PCDHA7: variants seen among roughly 807,000 people sequenced by gnomAD.
PCDHA7 encodes protocadherin alpha 7, also known as protocadherin alpha-7.
Under a neutral mutation model 57.2 loss-of-function variants are expected in PCDHA7, and 37 were observed. The ratio of observed to expected loss-of-function variants is 0.65; its 90% CI spans 0.50 to 0.85. The LOEUF is 0.85. PCDHA7 is among the 40% of genes least tolerant of loss of function. The pLI is 0.00. For missense variants in PCDHA7, 1,188 were observed against 1,241.8 expected, an observed-to-expected ratio of 0.96 and a Z score of 0.65; for synonymous variants, 553 against 558.8, an observed-to-expected ratio of 0.99 and a Z score of 0.15.
intron 1 of PCDHA7, among the ~76,000 whole-genome samples, chr5:140,919,699 C>T (rs946203919): frequency 3.3e-5 from 5 of 152,084 alleles, no homozygotes; most frequent in African/African-American, 1.2e-4. Context: ...TTTATATTAA[C>T]TTAATTCTAG....
intron 3 of PCDHA7, among the ~76,000 whole-genome samples, chr5:140,988,057 C>G (rs557714672): frequency 2.0e-4 from 30 of 152,188 alleles, no homozygotes; most frequent in Non-Finnish European, 3.7e-4. Context: ...GCACTGTCAA[C>G]ATGAATTTTT....
intron 1 of PCDHA7, chr5:140,927,266 C>T (rs1554204259): frequency 6.2e-7 from 1 of 1,614,146 alleles, no homozygotes. Flanking sequence ...CCTCTCTTTC[C>T]TGCCGGCGAC....
intron 3 of PCDHA7, among the ~76,000 whole-genome samples, chr5:140,995,158 A>G (rs1554254485): frequency 6.6e-6 from 1 of 152,180 alleles, no homozygotes; most frequent in African/African-American, 2.4e-5. Flanking sequence ...TATATACATT[A>G]TGTTCTTTCA....
In PCDHA7 at chr5:140,848,578, G is replaced by A. The variant is rs148489343; in HGVS notation, c.2355+11840G>A. On this transcript the variant is annotated intron_variant, in intron 1 of 3. Transcript: ENST00000525929. ...ATCCTCGCAATGTGGGTGGTGGGGA[G>A]CGGCCAGCTCCACTACTCCGTCCCG... 4 of 1,595,522 alleles carry A rather than the reference G, an allele frequency of 2.5e-6. 1 individual carries two copies. In the African/African-American group the frequency reaches 4.0e-5, roughly 16 times the overall value.
chr5:140,876,062 G>C, intron 1 of PCDHA7: 1 of 1,613,842 alleles, frequency 6.2e-7, no homozygotes, highest in South Asian at 1.1e-5. Flanking sequence ...TTAGTTCTTC[G>C]GAAGTTATTG....
chr5:140,898,548 T>C (rs1445483717), intron 1 of PCDHA7, among the ~76,000 whole-genome samples: 2 of 152,252 alleles, frequency 1.3e-5, no homozygotes, highest in Non-Finnish European at 2.9e-5. Context: ...CATTTATCTA[T>C]GTCTCTGTTT....
At chr5:140,953,950 A>G (rs1458991224) in intron 1 of PCDHA7, among the ~76,000 whole-genome samples, 1 of 151,936 alleles carries the variant, frequency 6.6e-6, no homozygotes, top group Non-Finnish European at 1.5e-5. Flanking sequence ...TTGCTCCCCC[A>G]ACAGGCCCCA....
intron 1 of PCDHA7, among the ~76,000 whole-genome samples, chr5:140,885,964 G>A (rs1326363408): frequency 6.6e-6 from 1 of 151,886 alleles, no homozygotes; most frequent in Non-Finnish European, 1.5e-5. Flanking sequence ...TTTTTATTTT[G>A]AGATAATTAT....
At chr5:140,988,501 A>G (rs966150033) in intron 3 of PCDHA7, among the ~76,000 whole-genome samples, 3 of 152,164 alleles carry the variant, frequency 2.0e-5, no homozygotes, top group Non-Finnish European at 2.9e-5. Context: ...AGGAGAAGCC[A>G]TGAAGCTTAC....
At chr5:140,918,941 T>C (rs1476342004) in intron 1 of PCDHA7, among the ~76,000 whole-genome samples, 1 of 152,228 alleles carries the variant, frequency 6.6e-6, no homozygotes, top group East Asian at 1.9e-4. Context: ...TTTGTTATAA[T>C]ATCCTGAACA....
chr5:140,976,267 T>C (rs115616483), intron 1 of PCDHA7, among the ~76,000 whole-genome samples: 1,952 of 152,234 alleles, frequency 0.013, 51 homozygotes, highest in African/African-American at 0.045. Flanking sequence ...ACACAGACTT[T>C]TGGCAAGGCA....
intron 1 of PCDHA7, among the ~76,000 whole-genome samples, chr5:140,899,419 A>G (rs1583341890): frequency 6.6e-6 from 1 of 152,318 alleles, no homozygotes; most frequent in Non-Finnish European, 1.5e-5. Flanking sequence ...GAATTTTGTC[A>G]AAGGTCTTTT....
At chr5:140,867,383 G>T in intron 1 of PCDHA7, 1 of 152,136 alleles carries the variant, frequency 6.6e-6, no homozygotes, top group East Asian at 1.9e-4. Flanking sequence ...TGGAATTAAC[G>T]GTTATAAAAG....
chr5:140,880,646 C>A (rs782457852), intron 1 of PCDHA7, among the ~76,000 whole-genome samples: 1 of 152,060 alleles, frequency 6.6e-6, no homozygotes, highest in Non-Finnish European at 1.5e-5. Context: ...ACTTGAGAGC[C>A]CAACTGAGGT....
chr5:141,003,589 A>G (rs781995684), intron 3 of PCDHA7, among the ~76,000 whole-genome samples: 9 of 152,170 alleles, frequency 5.9e-5, no homozygotes, highest in Non-Finnish European at 1.3e-4. Context: ...CTGGGATTTT[A>G]GATGTGAGCC....
intron 1 of PCDHA7, chr5:140,851,093 TA>T: frequency 1.5e-6 from 2 of 1,294,092 alleles, no homozygotes; most frequent in Admixed American, 2.9e-5. Flanking sequence ...ATTAAATAGA[TA>T]TTTTTTGGGT....
Position 140,836,021 on chromosome 5 carries a change from C to G in PCDHA7, c.1638C>G (p.Gly546=). Residue 546 remains glycine, a synonymous_variant, in exon 1 of 4, where the codon GGC becomes GGG. Transcript: ENST00000525929. ...SARDAGVPPL[G]SNVTLQVFVL... ...GCGATGCGGGCGTGCCGCCTCTGGG[C>G]AGCAACGTGACGCTGCAGGTGTTCG... The G allele has an allele frequency of 1.9e-6, 3 of 1,613,388 alleles. No individual in the cohort carries two copies. Among genetic ancestry groups the G allele is most frequent in the Non-Finnish European group, 2.5e-6 (3 of 1,179,720 alleles).
At chr5:140,885,110 TA>T (rs1368571784) in intron 1 of PCDHA7, among the ~76,000 whole-genome samples, 4 of 152,224 alleles carry the variant, frequency 2.6e-5, no homozygotes, top group African/African-American at 9.6e-5. Context: ...ATGCTTTTTT[TA>T]AGTGCACTTT....
At chr5:140,926,664 C>T (rs2083450429) in intron 1 of PCDHA7, 1 of 546,968 alleles carries the variant, frequency 1.8e-6, no homozygotes, top group East Asian at 3.5e-5. Context: ...CTTTCCCAGA[C>T]GGCTGCCCAG....
Sources: allele counts gnomAD v4.1 joint callset (sites outside exome capture counted in the v4.1 genomes callset), GRCh38; gene constraint gnomAD v4.1.1; transcripts MANE v1.5; gene names NCBI Gene and HGNC (gene_info 2026-07-23, HGNC 2026-07-21).